Variants in NEK9 observed in about 807,000 individuals in gnomAD.
NEK9 encodes NIMA related kinase 9, also known as serine/threonine-protein kinase Nek9.
Under a neutral mutation model 123.4 loss-of-function variants are expected in NEK9, and 75 were observed. That is an observed-to-expected ratio of 0.61 (90% CI 0.50 to 0.74). The LOEUF is 0.74. Among genes scored for constraint, NEK9 ranks in the 30% least tolerant of loss-of-function variants. The probability of loss-of-function intolerance (pLI) is 0.00; values close to 1 mark genes in which losing one functional copy is unlikely to be tolerated. For missense variants in NEK9, 952 were observed against 1,214.4 expected (o/e 0.78, Z 3.21); for synonymous variants, 438 against 458.7 (o/e 0.95, Z 0.58).
chr14:75,088,438 C>T (rs763881655), intron 20 of NEK9, 42 bp downstream of exon 20: 1 of 1,599,180 alleles, frequency 6.3e-7, no homozygotes, highest in Non-Finnish European at 8.5e-7. Flanking sequence ...CTTGCAGTGA[C>T]TGTTTACCTA....
intron 5 of NEK9, among the ~76,000 whole-genome samples, chr14:75,118,606 A>G (rs759051356): frequency 2.0e-5 from 3 of 152,234 alleles, no homozygotes; most frequent in Non-Finnish European, 4.4e-5. Context: ...CTTTTAGATA[A>G]GTCCCTAATC....
Position 75,117,220 on chromosome 14 carries a change from G to A in NEK9, c.737C>T (p.Thr246Ile). ...TGTAGCATCAAACGTCCTCTTTAAG[G>A]TAAGCAGTTCAAAAATGACGCAGCC... ...AVGCVIFELL[T>I]LKRTFDATNP... The change falls in exon 6 of 22, where the codon ACC becomes ATC. Residue 246 changes from threonine to isoleucine, a missense_variant. Around this residue, in one of 4 missense-constraint regions of NEK9, gnomAD observed 28 missense variants for 88.3 expected, o/e 0.32. Coordinates refer to ENST00000238616, the MANE Select transcript of NEK9 (RefSeq NM_033116.6). 6.2e-7 allele frequency: 1 copy of A among 1,613,612 alleles called. No homozygotes were observed. The highest frequency in any genetic ancestry group is 8.5e-7 in the Non-Finnish European group (1 of 1,179,900).
Position 75,126,851 on chromosome 14 carries a change from C to A in NEK9, c.71G>T (p.Gly24Val), listed in dbSNP as rs768849849. The A allele has an allele frequency of 7.2e-6, 11 of 1,532,582 alleles. No homozygotes were observed. The highest frequency in any genetic ancestry group is 1.7e-4 in the Middle Eastern group (1 of 5,922). 94.9% of individuals were successfully genotyped at this position (1,532,582 alleles called of 1,614,324 possible). ...AGGCCCCGGACTCGAGTCCCCGCAA[C>A]CCCCGGACTCGCTCCCAAAGTCCGA... is the stretch of plus-strand genomic sequence containing the variant. ...INSDFGSESG[G>V]CGDSSPGPSA... Residue 24 changes from glycine (G) to valine (V), a missense_variant, in exon 1 of 22, where the codon GGT becomes GTT. Transcript: ENST00000238616.
intron 10 of NEK9, among the ~76,000 whole-genome samples, chr14:75,107,808 A>G (rs1894828507): frequency 6.6e-6 from 1 of 152,250 alleles, no homozygotes; most frequent in Non-Finnish European, 1.5e-5. Flanking sequence ...ACATTTTAAT[A>G]GCAAGTAGTA....
chr14:75,088,796 G>A (rs768246885), intron 19 of NEK9, among the ~76,000 whole-genome samples, 155 bp from the exon 20 acceptor site: 1 of 152,120 alleles, frequency 6.6e-6, no homozygotes, highest in African/African-American at 2.4e-5. Flanking sequence ...GCCTACCTGT[G>A]AAAAAACTGC....
chr14:75,112,768 C>T (rs564302347), intron 8 of NEK9, among the ~76,000 whole-genome samples: 1 of 152,278 alleles, frequency 6.6e-6, no homozygotes, highest in Admixed American at 6.5e-5. Context: ...CTGCAGTGAG[C>T]TAGGACTGTG....
rs991699975 is a variant in NEK9 at position 75,082,109 on chromosome 14, G to A, written c.*2455C>T. 6.6e-6 allele frequency: 1 copy of A among 152,180 alleles called. No individual in the cohort carries two copies. Among genetic ancestry groups the A allele is most frequent in the Non-Finnish European group, 1.5e-5 (1 of 68,036 alleles). The allele number at this position is 152,180 out of a possible 1,614,324, so 9.4% of individuals were successfully genotyped here. A position where few individuals can be genotyped will look rare whatever the true frequency, so the allele number is the denominator to read the frequency against. On this transcript the variant is annotated 3_prime_UTR_variant, in exon 22 of 22. Transcript: ENST00000238616. The stretch of plus-strand genomic sequence containing the variant: ...AAGGTCCATGCACAGGCTTACTGAA[G>A]CACAGTACTGATTAAGAGCTTAAAT...
In NEK9 at chr14:75,079,648, A is replaced by G. The variant is rs1157771650; in HGVS notation, c.*4916T>C. 1 of 152,232 alleles carries G rather than the reference A, an allele frequency of 6.6e-6. No homozygotes were observed. Among genetic ancestry groups the G allele is most frequent in the Non-Finnish European group, 1.5e-5 (1 of 68,042 alleles). 9.4% of individuals were successfully genotyped at this position (152,232 alleles called of 1,614,324 possible). Reference sequence around the variant, plus strand: ...GCATTCATAATATGATCTGACATTTAAAAACTGGGATATGGAACATCTCTT... The same window carrying G: ...GCATTCATAATATGATCTGACATTTGAAAACTGGGATATGGAACATCTCTT... On this transcript the variant is annotated 3_prime_UTR_variant, in exon 22 of 22. Coordinates refer to ENST00000238616, the MANE Select transcript of NEK9 (RefSeq NM_033116.6).
At chr14:75,102,830 A>G (rs1304542634) in intron 14 of NEK9, among the ~76,000 whole-genome samples, 2 of 152,234 alleles carry the variant, frequency 1.3e-5, no homozygotes, top group African/African-American at 4.8e-5. Flanking sequence ...AAAACTCATT[A>G]TATTAACACA....
intron 13 of NEK9, among the ~76,000 whole-genome samples, chr14:75,105,342 A>AAT (rs897868373): frequency 2.6e-5 from 4 of 152,010 alleles, no homozygotes; most frequent in African/African-American, 9.7e-5. Flanking sequence ...AACCCAAAAC[A>AAT]CTGCTAACAA....
chr14:75,124,223 C>G lies in NEK9; in HGVS notation c.220G>C (p.Asp74His). Residue 74 changes from aspartate to histidine, a missense_variant and splice_region_variant, in exon 2 of 22, where the codon GAT becomes CAT. This residue lies in a region of NEK9 where 106 missense variants were observed against 153.0 expected (regional missense o/e 0.69). Transcript: ENST00000238616. ...GEATLYRRTE[D>H]DSLVVWKEVD... ...TCCTTCCACACAACCAGTGAGTCAT[C>G]CTAAACACAGTAACAGAGGTATCGT... The G allele has an allele frequency of 6.2e-7, 1 of 1,613,304 alleles. No individual in the cohort carries two copies. The highest frequency in any genetic ancestry group is 8.5e-7 in the Non-Finnish European group (1 of 1,179,366).
chr14:75,093,357 A>G (rs777327739), intron 18 of NEK9, among the ~76,000 whole-genome samples: 5 of 152,232 alleles, frequency 3.3e-5, no homozygotes, highest in Non-Finnish European at 7.3e-5. Flanking sequence ...CCTCCTACCC[A>G]GATGAAACCA....
In NEK9 at chr14:75,105,615, G is replaced by A. The variant is rs549781292; in HGVS notation, c.1575+335C>T. ...AATGGCTGTGTTGGGTTAAGAGACA[G>A]TATACTGCTTTACAGTATCTTCTCG... On this transcript the variant is annotated intron_variant, in intron 13 of 21. Transcript: ENST00000238616. 4.6e-5 allele frequency among the ~76,000 whole-genome samples: 7 copies of A among 152,366 alleles called. No individual in the cohort carries two copies. The East Asian group carries it at 1.3e-3, about 29-fold the overall frequency.
At chr14:75,125,888 C>G (rs1030247907) in intron 1 of NEK9, among the ~76,000 whole-genome samples, 2 of 152,160 alleles carry the variant, frequency 1.3e-5, no homozygotes, top group African/African-American at 4.8e-5. Flanking sequence ...ATGATCAAAT[C>G]TAGTGTATCG....
chr14:75,091,244 C>A, intron 19 of NEK9, 26 bp downstream of exon 19: 1 of 1,583,962 alleles, frequency 6.3e-7, no homozygotes, highest in Non-Finnish European at 8.6e-7. Context: ...ATATTTTATC[C>A]AAGTTACTTC....
In NEK9 at chr14:75,080,578, G is replaced by A. The variant is rs1476940157; in HGVS notation, c.*3986C>T. The A allele has an allele frequency of 3.3e-5, 5 of 151,762 alleles. No individual in the cohort carries two copies. In the East Asian group the frequency reaches 5.8e-4, roughly 18 times the overall value. 9.4% of individuals were successfully genotyped at this position (151,762 alleles called of 1,614,324 possible). A position where few individuals can be genotyped will look rare whatever the true frequency, so the allele number is the denominator to read the frequency against. The stretch of plus-strand genomic sequence containing the variant: ...TTACACCATAGGAGAAATTTCACGG[G>A]GAAACTCCTCATGTGGAAACTCATT... On this transcript the variant is annotated 3_prime_UTR_variant, in exon 22 of 22. Coordinates refer to ENST00000238616, the MANE Select transcript of NEK9 (RefSeq NM_033116.6).
At chr14:75,122,171 C>A (rs183122339) in intron 2 of NEK9, among the ~76,000 whole-genome samples, 37 of 151,866 alleles carry the variant, frequency 2.4e-4, no homozygotes, top group African/African-American at 8.0e-4. Flanking sequence ...TTTTCCCCTG[C>A]AACTTAATAA....
Position 75,117,291 on chromosome 14 carries a change from G to A in NEK9, c.666C>T (p.Leu222=). The change falls in exon 6 of 22, where the codon CTC becomes CTT. Residue 222 remains leucine (L), a synonymous_variant. Transcript: ENST00000238616. ...VGTPYYMSPE[L]CQGVKYNFKS... ...TGAAATTGTACTTTACTCCTTGACAGAGCTCTGGAGACATGTAATATGGGG... is the reference window on the plus strand; with the variant it reads ...TGAAATTGTACTTTACTCCTTGACAAAGCTCTGGAGACATGTAATATGGGG... 1.2e-6 allele frequency: 2 copies of A among 1,613,426 alleles called. No individual in the cohort carries two copies. The highest frequency in any genetic ancestry group is 1.7e-6 in the Non-Finnish European group (2 of 1,179,786).
In NEK9 at chr14:75,120,514, G is replaced by A. The variant is rs1895292480; in HGVS notation, c.520C>T (p.His174Tyr). 1 of 1,610,864 alleles carries A rather than the reference G, an allele frequency of 6.2e-7. No homozygotes were observed. Among genetic ancestry groups the A allele is most frequent in the Non-Finnish European group, 8.5e-7 (1 of 1,177,672 alleles). The change falls in exon 4 of 22, where the codon CAT becomes TAT. Residue 174 changes from histidine to tyrosine, a missense_variant. Physicochemically the swap from His to Tyr is moderately conservative, Grantham distance 83. Around this residue, in one of 4 missense-constraint regions of NEK9, gnomAD observed 106 missense variants for 153.0 expected, o/e 0.69. Coordinates refer to ENST00000238616, the MANE Select transcript of NEK9 (RefSeq NM_033116.6). The part of the protein sequence containing the change: ...VSCIHKAGIL[H>Y]RDIKTLNIFL... ...ATAATTTTTTTTACTTCTTACCTAT[G>A]AAGGATTCCAGCTTTATGGATGCAG... is the stretch of plus-strand genomic sequence containing the variant.
Sources: allele counts gnomAD v4.1 joint callset (sites outside exome capture counted in the v4.1 genomes callset), GRCh38; gene constraint gnomAD v4.1.1; regional missense constraint gnomAD v4.1.1; transcripts MANE v1.5; gene names NCBI Gene and HGNC (gene_info 2026-07-23, HGNC 2026-07-21).